Variants in ANK3 observed in about 807,000 individuals in gnomAD.
The protein encoded by ANK3 is ankyrin 3.
A neutral mutation model predicts 370.9 loss-of-function variants in ANK3; 57 were observed. The observed-to-expected ratio is 0.15, with a 90% CI of 0.12 to 0.19. The LOEUF (loss-of-function observed/expected upper bound fraction) is 0.19, where lower values mean the gene tolerates loss of function less well. Among genes scored for constraint, ANK3 ranks in the 10% least tolerant of loss-of-function variants. The probability of loss-of-function intolerance (pLI) is 1.00; values close to 1 mark genes in which losing one functional copy is unlikely to be tolerated. For missense variants in ANK3, 4,439 were observed against 5,302.1 expected (o/e 0.84, Z 5.06); for synonymous variants, 1,929 against 1,946.3 (o/e 0.99, Z 0.23).
intron 1 of ANK3, among the ~76,000 whole-genome samples, chr10:60,385,423 T>C (rs1480963114): frequency 6.6e-6 from 1 of 151,916 alleles, no homozygotes; most frequent in Admixed American, 6.6e-5. Flanking sequence ...CTATGGAGGG[T>C]GATTAGTGGC....
intron 2 of ANK3, among the ~76,000 whole-genome samples, chr10:60,597,712 T>C (rs1171543376): frequency 2.0e-5 from 3 of 152,216 alleles, no homozygotes; most frequent in Non-Finnish European, 4.4e-5. Flanking sequence ...GTTCAAGCAA[T>C]GTAATCAAAA....
At position 60,568,889 on chromosome 10, in the gene ANK3, C is replaced by T. The variant is rs558276339; in HGVS notation, c.96+46297G>A. ...ATGCCTCTCCTTCCACAGATACACA[C>T]TGAGGAAAGGCCATGTGAGCACATA... On this transcript the variant is annotated intron_variant, in intron 2 of 43. Coordinates refer to the ANK3 transcript ENST00000373827. Among the ~76,000 whole-genome samples, 7 of 152,290 alleles carry T rather than the reference C, an allele frequency of 4.6e-5. No individual in the cohort carries two copies. In the East Asian group the frequency reaches 1.4e-3, roughly 29 times the overall value.
intron 2 of ANK3, among the ~76,000 whole-genome samples, chr10:60,473,831 T>C (rs997849642): frequency 6.6e-6 from 1 of 152,026 alleles, no homozygotes; most frequent in African/African-American, 2.4e-5. Context: ...AATGTTTACA[T>C]GAACTTTTTG....
intron 1 of ANK3, among the ~76,000 whole-genome samples, chr10:60,693,391 G>A (rs1053110323): frequency 6.6e-6 from 1 of 152,250 alleles, no homozygotes; most frequent in South Asian, 2.1e-4. Context: ...ACTGGGTGGA[G>A]CCCACCACAG....
At chr10:60,354,914 A>T (rs908407013) in intron 1 of ANK3, among the ~76,000 whole-genome samples, 1 of 152,186 alleles carries the variant, frequency 6.6e-6, no homozygotes, top group East Asian at 1.9e-4. Context: ...AGAGAATTCC[A>T]CATTTGGTAT....
intron 41 of ANK3, among the ~76,000 whole-genome samples, chr10:60,058,627 G>A (rs1400246102): frequency 6.6e-6 from 1 of 152,142 alleles, no homozygotes; most frequent in Non-Finnish European, 1.5e-5. Context: ...AATGTTATTG[G>A]TAGATGATGG....
intron 2 of ANK3, among the ~76,000 whole-genome samples, chr10:60,561,962 A>G (rs2077345342): frequency 6.6e-6 from 1 of 152,200 alleles, no homozygotes; most frequent in Non-Finnish European, 1.5e-5. Flanking sequence ...TTAGTTATGC[A>G]CTGTGTATGT....
At chr10:60,496,012 A>G (rs2075647332) in intron 2 of ANK3, among the ~76,000 whole-genome samples, 1 of 152,064 alleles carries the variant, frequency 6.6e-6, no homozygotes, top group Non-Finnish European at 1.5e-5. Flanking sequence ...TCCAATGTCA[A>G]GAATGGCAAA....
rs111940903 is a variant in ANK3, at chr10:60,168,829, A to G, written c.2479-1933T>C. ...CTGTTCCTCCGTTAGTTTGCTGAGG[A>G]TAACAGCTTCCAGCTCCATCCATGT... On this transcript the variant is annotated intron_variant, in intron 21 of 43. Transcript: ENST00000280772. Among the ~76,000 whole-genome samples the G allele has an allele frequency of 5.3e-3, 814 of 152,272 alleles. 3 individuals carry two copies. Among genetic ancestry groups the G allele is most frequent in the Non-Finnish European group, 8.0e-3 (546 of 68,034 alleles).
intron 42 of ANK3, chr10:60,043,826 C>T (rs968740100): frequency 5.2e-5 from 51 of 985,080 alleles, no homozygotes; most frequent in Non-Finnish European, 5.9e-5. Context: ...CAAACTGGCA[C>T]ATTCTGTCCC....
At chr10:60,080,915 C>T (rs977874179) in intron 35 of ANK3, among the ~76,000 whole-genome samples, 1 of 152,164 alleles carries the variant, frequency 6.6e-6, no homozygotes, top group African/African-American at 2.4e-5. Flanking sequence ...ATTGAAAGCA[C>T]ATATATCACA....
intron 7 of ANK3, among the ~76,000 whole-genome samples, chr10:60,239,986 C>T (rs150664497): frequency 0.012 from 1,713 of 145,166 alleles, 23 homozygotes; most frequent in Non-Finnish European, 0.018. Flanking sequence ...TATATTGATC[C>T]AAATATATAT....
chr10:60,096,051 G>A (rs2090066748), intron 28 of ANK3, among the ~76,000 whole-genome samples: 1 of 152,102 alleles, frequency 6.6e-6, no homozygotes, highest in Non-Finnish European at 1.5e-5. Context: ...GTAGGTGCCT[G>A]TAATCCCAGC....
intron 2 of ANK3, among the ~76,000 whole-genome samples, chr10:60,457,607 T>C (rs1363261775): frequency 1.3e-5 from 2 of 152,080 alleles, no homozygotes; most frequent in Non-Finnish European, 2.9e-5. Context: ...TAGGATAAAA[T>C]GATCATCAGT....
intron 23 of ANK3, among the ~76,000 whole-genome samples, chr10:60,161,408 T>A (rs2095497032): frequency 6.6e-6 from 1 of 151,778 alleles, no homozygotes; most frequent in Non-Finnish European, 1.5e-5. Context: ...AAAAAGAAAA[T>A]CAGTATTTCA....
chr10:60,681,569 A>C (rs1211587553), intron 1 of ANK3, among the ~76,000 whole-genome samples: 1 of 152,126 alleles, frequency 6.6e-6, no homozygotes, highest in Admixed American at 6.5e-5. Context: ...CTTCCTATCC[A>C]GCCCCACCAG....
chr10:60,103,190 T>C (rs2132075613), intron 28 of ANK3, among the ~76,000 whole-genome samples: 1 of 152,264 alleles, frequency 6.6e-6, no homozygotes, highest in Middle Eastern at 3.4e-3. Context: ...GACTTCGTGA[T>C]CCACTTGCCT....
At chr10:60,250,958 T>C (rs1410271451) in intron 7 of ANK3, among the ~76,000 whole-genome samples, 1 of 152,188 alleles carries the variant, frequency 6.6e-6, no homozygotes. Context: ...ACACATTGCC[T>C]TTGATGTTAC....
chr10:60,032,194 C>CTTTTTTTTTTTTTTTTTTTTTTTTTTT lies in ANK3; in HGVS notation c.*20-2369_*20-2368insAAAAAAAAAAAAAAAAAAAAAAAAAAA, dbSNP rs552219776. Reference sequence around the variant, plus strand: ...TTCAGCTATTATAAATACACAGCTTCTTTTTTTTTTTTTTTTTTTTTTTTT... The same window carrying CTTTTTTTTTTTTTTTTTTTTTTTTTTT: ...TTCAGCTATTATAAATACACAGCTTCTTTTTTTTTTTTTTTTTTTTTTTTTTTTTTTTTTTTTTTTTTTTTTTTTTTT... On this transcript the variant is annotated intron_variant, in intron 43 of 43. Coordinates refer to ENST00000280772, the MANE Select transcript of ANK3 (RefSeq NM_020987.5). 4.2e-4 allele frequency among the ~76,000 whole-genome samples: 18 copies of CTTTTTTTTTTTTTTTTTTTTTTTTTTT among 43,130 alleles called. 5 individuals carry two copies. The highest frequency in any genetic ancestry group is 7.6e-4 in the Non-Finnish European group (17 of 22,392). The allele number at this position is 43,130 out of a possible 152,430, so 28.3% of individuals were successfully genotyped here.
Sources: allele counts gnomAD v4.1 joint callset (sites outside exome capture counted in the v4.1 genomes callset), GRCh38; gene constraint gnomAD v4.1.1; transcripts MANE v1.5; gene names NCBI Gene and HGNC (gene_info 2026-07-23, HGNC 2026-07-21).